The following CDH12 variants were observed in gnomAD, a reference collection of about 807,000 sequenced individuals.
CDH12 encodes cadherin 12, also known as cadherin-12.
CDH12 carries 41 observed loss-of-function variants against 74.1 expected under a neutral mutation model. The observed-to-expected ratio is 0.55, with a 90% CI of 0.43 to 0.72. The LOEUF (loss-of-function observed/expected upper bound fraction) is 0.72. Among genes scored for constraint, CDH12 ranks in the 30% least tolerant of loss-of-function variants. The probability of loss-of-function intolerance (pLI) is 0.00; values close to 1 mark genes in which losing one functional copy is unlikely to be tolerated. For missense variants in CDH12, 945 were observed against 977.2 expected (o/e 0.97, Z 0.44); for synonymous variants, 399 against 355.0 (o/e 1.12, Z -1.39).
At chr5:22,778,201 TTTG>T (rs1302121913) in intron 1 of CDH12, among the ~76,000 whole-genome samples, 2 of 152,176 alleles carry the variant, frequency 1.3e-5, no homozygotes, top group East Asian at 1.9e-4. Context: ...TTTCATTCAG[TTTG>T]TTGTTGTTGT....
chr5:22,217,948 A>G (rs1335678026), intron 3 of CDH12, among the ~76,000 whole-genome samples: 1 of 151,638 alleles, frequency 6.6e-6, no homozygotes, highest in Non-Finnish European at 1.5e-5. Flanking sequence ...TCACTAAAAA[A>G]TTTTAGATGA....
intron 8 of CDH12, among the ~76,000 whole-genome samples, chr5:21,820,091 G>A (rs1748282469): frequency 6.6e-6 from 1 of 151,534 alleles, no homozygotes; most frequent in South Asian, 2.1e-4. Flanking sequence ...CAATATGGGG[G>A]AAAAAAAATT....
At chr5:22,580,427 C>A in intron 1 of CDH12, 1 of 508,804 alleles carries the variant, frequency 2.0e-6, no homozygotes, top group South Asian at 1.5e-5. Flanking sequence ...AAACATCACC[C>A]TCCAAGTACT....
intron 3 of CDH12, among the ~76,000 whole-genome samples, chr5:22,254,604 A>G (rs879739321): frequency 4.6e-5 from 7 of 151,790 alleles, no homozygotes; most frequent in Non-Finnish European, 8.8e-5. Context: ...TGTTCAACAA[A>G]CCCCAATGAC....
intron 5 of CDH12, among the ~76,000 whole-genome samples, chr5:22,053,197 CT>C (rs1332696610): frequency 6.6e-6 from 1 of 151,958 alleles, no homozygotes; most frequent in Non-Finnish European, 1.5e-5. Flanking sequence ...AAGCTCTTCA[CT>C]TCCACTGAAA....
chr5:22,360,726 T>A lies in CDH12; in HGVS notation c.-333+44531A>T, dbSNP rs187117659. 7.2e-4 allele frequency among the ~76,000 whole-genome samples: 110 copies of A among 152,266 alleles called. No homozygotes were observed. The East Asian group carries it at 0.018, about 25-fold the overall frequency. ...ATCCAGCAGCATGTCAAAAAGCTTA[T>A]CCACCATGATCAAGTGGGCTTCATC... is the stretch of plus-strand genomic sequence containing the variant. On this transcript the variant is annotated intron_variant, in intron 3 of 14. Transcript: ENST00000382254.
At chr5:22,062,538 CCA>C (rs569016309) in intron 5 of CDH12, among the ~76,000 whole-genome samples, 7 of 152,042 alleles carry the variant, frequency 4.6e-5, no homozygotes, top group Non-Finnish European at 8.8e-5. Context: ...ATTGTTCCTT[CCA>C]CTGTTTTGCC....
chr5:21,880,486 C>T (rs1752192918), intron 6 of CDH12, among the ~76,000 whole-genome samples: 2 of 39,628 alleles, frequency 5.0e-5, no homozygotes, highest in Admixed American at 3.7e-4. Context: ...TTCCTTCCTT[C>T]CTTCCTTCCT....
chr5:22,186,003 T>G (rs960732714), intron 4 of CDH12, among the ~76,000 whole-genome samples: 2 of 152,158 alleles, frequency 1.3e-5, no homozygotes, highest in Admixed American at 1.3e-4. Context: ...GAGAAATACT[T>G]GAGTCATTCA....
chr5:22,509,221 T>C (rs2126668439), intron 1 of CDH12, among the ~76,000 whole-genome samples: 1 of 152,332 alleles, frequency 6.6e-6, no homozygotes, highest in Middle Eastern at 3.4e-3. Flanking sequence ...GAAACTCTAA[T>C]AACTATTTCT....
chr5:22,695,530 T>G (rs1316040094), intron 1 of CDH12, among the ~76,000 whole-genome samples: 2 of 152,180 alleles, frequency 1.3e-5, no homozygotes, highest in African/African-American at 4.8e-5. Context: ...GATTCCCTAT[T>G]TAATAAATGG....
chr5:21,784,565 A>T (rs968777518), intron 10 of CDH12, among the ~76,000 whole-genome samples: 1 of 152,154 alleles, frequency 6.6e-6, no homozygotes, highest in Non-Finnish European at 1.5e-5. Flanking sequence ...ATAACATTTT[A>T]TGGGAAATGA....
chr5:22,657,179 A>G (rs1471736300), intron 1 of CDH12, among the ~76,000 whole-genome samples: 13 of 152,204 alleles, frequency 8.5e-5, no homozygotes, highest in Non-Finnish European at 1.8e-4. Context: ...TCAGGATTCT[A>G]TTTACGTGAA....
Position 22,752,545 on chromosome 5 carries a change from CTTTTTT to C in CDH12, c.-523+100507_-523+100512del, listed in dbSNP as rs1159388186. On this transcript the variant is annotated intron_variant, in intron 1 of 14. Coordinates refer to ENST00000382254, the MANE Select transcript of CDH12 (RefSeq NM_004061.5). ...GATGAAGAAAGCAGATAGGATACTTCTTTTTTTTTTTTTTTTTTTTTTTTTTTTCTT... is the reference window on the plus strand; with the variant it reads ...GATGAAGAAAGCAGATAGGATACTTCTTTTTTTTTTTTTTTTTTTTTTCTT... Among the ~76,000 whole-genome samples, 8 of 65,782 alleles carry C rather than the reference CTTTTTT, an allele frequency of 1.2e-4. No individual in the cohort carries two copies. The South Asian group carries it at 2.7e-3, about 22-fold the overall frequency. 43.2% of individuals were successfully genotyped at this position (65,782 alleles called of 152,430 possible).
At chr5:22,337,919 A>T (rs1277871599) in intron 3 of CDH12, among the ~76,000 whole-genome samples, 1 of 152,224 alleles carries the variant, frequency 6.6e-6, no homozygotes, top group African/African-American at 2.4e-5. Flanking sequence ...TCAGGCAATA[A>T]CAAATGCTTG....
chr5:22,611,891 C>T (rs1406516304), intron 1 of CDH12, among the ~76,000 whole-genome samples: 2 of 152,036 alleles, frequency 1.3e-5, no homozygotes, highest in African/African-American at 2.4e-5. Context: ...TTTGGATTCT[C>T]ATCATCCCTT....
At chr5:21,950,523 A>G (rs1755803177) in intron 6 of CDH12, among the ~76,000 whole-genome samples, 1 of 151,820 alleles carries the variant, frequency 6.6e-6, no homozygotes, top group Admixed American at 6.6e-5. Flanking sequence ...CCAACTAAAA[A>G]ACATAGATTG....
At chr5:22,451,262 AT>A (rs770441150) in intron 2 of CDH12, among the ~76,000 whole-genome samples, 2 of 151,964 alleles carry the variant, frequency 1.3e-5, no homozygotes, top group East Asian at 1.9e-4. Context: ...ATGATAAATG[AT>A]TTAATAAAAT....
chr5:22,702,869 C>A (rs1012583208), intron 1 of CDH12, among the ~76,000 whole-genome samples: 8 of 151,994 alleles, frequency 5.3e-5, no homozygotes, highest in Non-Finnish European at 1.5e-5. Context: ...CATCTTTTCC[C>A]GAAAACCTTA....
Sources: gnomAD v4.1 joint callset for allele counts (sites outside exome capture counted in the v4.1 genomes callset) on GRCh38, gnomAD v4.1.1 for gene constraint, MANE v1.5 for transcripts, NCBI Gene and HGNC (gene_info 2026-07-23, HGNC 2026-07-21) for gene names.